Variants in CASC3 observed in about 807,000 individuals in gnomAD.
The protein encoded by CASC3 is CASC3 exon junction complex subunit, also known as protein CASC3.
A neutral mutation model predicts 80.5 loss-of-function variants in CASC3; 30 were observed. The ratio of observed to expected loss-of-function variants is 0.37; its 90% CI spans 0.28 to 0.51. The LOEUF (loss-of-function observed/expected upper bound fraction) is 0.51, where lower values mean the gene tolerates loss of function less well. CASC3 is among the 20% of genes least tolerant of loss of function. The probability of loss-of-function intolerance (pLI) is 0.94; values close to 1 mark genes in which losing one functional copy is unlikely to be tolerated. For synonymous variants in CASC3, 312 were observed against 333.6 expected, an observed-to-expected ratio of 0.94 and a Z score of 0.70; for missense variants, 824 against 922.2, an observed-to-expected ratio of 0.89 and a Z score of 1.38.
intron 11 of CASC3, 183 bp downstream of exon 11, chr17:40,168,600 C>A (rs76987545): frequency 1.7e-5 from 10 of 605,652 alleles, no homozygotes; most frequent in Non-Finnish European, 2.9e-6. Flanking sequence ...TGCCCATCAT[C>A]TTTATTCTTT....
chr17:40,165,941 A>T (rs1314327334), intron 7 of CASC3, among the ~76,000 whole-genome samples: 2 of 149,616 alleles, frequency 1.3e-5, no homozygotes, highest in Non-Finnish European at 3.0e-5. Flanking sequence ...GATTTTTTTT[A>T]TTTTTTGAAA....
Position 40,163,769 on chromosome 17 carries a change from T to A in CASC3, c.1074T>A (p.Ser358=). The A allele has an allele frequency of 6.2e-7, 1 of 1,614,154 alleles. No individual in the cohort carries two copies. The highest frequency in any genetic ancestry group is 1.3e-5 in the African/African-American group (1 of 75,046). The change falls in exon 7 of 14, where the codon TCT becomes TCA. Residue 358 remains serine, a synonymous_variant. Transcript: ENST00000264645. The stretch of plus-strand genomic sequence containing the variant: ...GGTCACGGCGCCTAGAGCAGACTTC[T>A]GTGAGGGATCCATCTCCAGAAGCAG... ...SYRSRRLEQT[S]VRDPSPEADA...
intron 13 of CASC3, 79 bp from the exon 14 acceptor site, chr17:40,170,368 C>G: frequency 1.1e-6 from 1 of 941,124 alleles, no homozygotes; most frequent in Non-Finnish European, 1.3e-6. Context: ...AGAAGTGTGG[C>G]TTTTTGAAAA....
At chr17:40,165,212 C>G (rs574028333) in intron 7 of CASC3, among the ~76,000 whole-genome samples, 1 of 151,224 alleles carries the variant, frequency 6.6e-6, no homozygotes, top group Admixed American at 6.6e-5. Context: ...CATGAGCCAC[C>G]GTGCCTGGCC....
chr17:40,140,592 A>G lies in CASC3; in HGVS notation c.44A>G (p.Asp15Gly). ...CAGCGCGCTTCGCAAGACACCGAGG[A>G]CGAGGAATCTGGTGCTTCGGGCTCC... The part of the protein sequence containing the change: ...RRQRASQDTE[D>G]EESGASGSDS... The change falls in exon 1 of 14, where the codon GAC (aspartate) becomes GGC (glycine). Residue 15 changes from aspartate to glycine, a missense_variant. By Grantham distance (94) the Asp-to-Gly change is moderately conservative (BLOSUM62 -1). This residue lies in a region of CASC3 where 159 missense variants were observed against 122.2 expected (regional missense o/e 1.30). Transcript: ENST00000264645. 1 of 1,610,608 alleles carries G rather than the reference A, an allele frequency of 6.2e-7. No individual in the cohort carries two copies. The highest frequency in any genetic ancestry group is 8.5e-7 in the Non-Finnish European group (1 of 1,179,572).
chr17:40,146,282 T>C (rs1318297474), intron 3 of CASC3, among the ~76,000 whole-genome samples: 1 of 152,050 alleles, frequency 6.6e-6, no homozygotes, highest in Non-Finnish European at 1.5e-5. Context: ...ATGGGGAATA[T>C]TTGCTGCAGT....
chr17:40,150,288 C>G (rs1007346540), intron 3 of CASC3, among the ~76,000 whole-genome samples: 4 of 152,068 alleles, frequency 2.6e-5, no homozygotes, highest in African/African-American at 4.8e-5. Context: ...GGGAGGATCC[C>G]TTGAGCCCAG....
rs1567686990 is a variant in CASC3 at position 40,172,102 on chromosome 17, T to C, written c.*1697T>C. On this transcript the variant is annotated 3_prime_UTR_variant, in exon 14 of 14. Transcript: ENST00000264645. ...CATGTGTGGTGGTGTTTTTTGTTAC[T>C]GTTTTAAAGGGTGCCCATTTGTGAT... The C allele has an allele frequency of 4.7e-6, 6 of 1,289,864 alleles. No homozygotes were observed. In the South Asian group the frequency reaches 6.2e-5, roughly 13 times the overall value. 79.9% of individuals were successfully genotyped at this position (1,289,864 alleles called of 1,614,324 possible). A position where few individuals can be genotyped will look rare whatever the true frequency, so the allele number is the denominator to read the frequency against.
At chr17:40,142,676 C>T (rs1028555270) in intron 3 of CASC3, among the ~76,000 whole-genome samples, 4 of 152,010 alleles carry the variant, frequency 2.6e-5, no homozygotes, top group Admixed American at 6.5e-5. Flanking sequence ...ATCACGAGGT[C>T]AGGAGATCGA....
chr17:40,170,619 C>T lies in CASC3; in HGVS notation c.*214C>T. 1.0e-6 allele frequency: 1 copy of T among 985,546 alleles called. No homozygotes were observed. The highest frequency in any genetic ancestry group is 1.2e-6 in the Non-Finnish European group (1 of 829,948). 61.1% of individuals were successfully genotyped at this position (985,546 alleles called of 1,614,324 possible). A position where few individuals can be genotyped will look rare whatever the true frequency, so the allele number is the denominator to read the frequency against. On this transcript the variant is annotated 3_prime_UTR_variant, in exon 14 of 14. Coordinates refer to ENST00000264645, the MANE Select transcript of CASC3 (RefSeq NM_007359.5). ...GAGAAACAAGTGGACCTCGTCCCAT[C>T]TTCACTCTTCACTTGAGTTGGCTGT...
At chr17:40,151,054 A>G (rs919886241) in intron 3 of CASC3, among the ~76,000 whole-genome samples, 2 of 152,056 alleles carry the variant, frequency 1.3e-5, no homozygotes, top group Admixed American at 6.6e-5. Context: ...TTGAGATACA[A>G]TTCACAGAAC....
intron 3 of CASC3, among the ~76,000 whole-genome samples, chr17:40,151,384 G>A (rs982730740): frequency 9.9e-5 from 15 of 152,016 alleles, no homozygotes; most frequent in Non-Finnish European, 1.8e-4. Context: ...CTAATTTTTA[G>A]TATTTTTAGT....
chr17:40,154,422 C>T (rs576717829), intron 3 of CASC3, among the ~76,000 whole-genome samples: 16 of 151,812 alleles, frequency 1.1e-4, no homozygotes, highest in Middle Eastern at 3.4e-3. Flanking sequence ...TTAGTAGAGA[C>T]GAGGTTTTGC....
intron 3 of CASC3, 78 bp downstream of exon 3, chr17:40,141,685 G>A: frequency 1.9e-6 from 2 of 1,037,312 alleles, no homozygotes; most frequent in Non-Finnish European, 3.0e-6. Context: ...CGTTGCAAAC[G>A]TACCATGACC....
intron 3 of CASC3, among the ~76,000 whole-genome samples, chr17:40,152,941 TA>T (rs1989048610): frequency 6.6e-6 from 1 of 151,796 alleles, no homozygotes; most frequent in South Asian, 2.1e-4. Flanking sequence ...CACGCCCGGC[TA>T]ATTTTTTTAT....
chr17:40,154,948 G>A (rs1431740650), intron 3 of CASC3, among the ~76,000 whole-genome samples: 1 of 152,124 alleles, frequency 6.6e-6, no homozygotes, highest in Non-Finnish European at 1.5e-5. Context: ...GGAGTGCAGT[G>A]GCGCTATCTA....
rs1300390548 is a variant in CASC3 at position 40,161,840 on chromosome 17, G to C, written c.385G>C (p.Glu129Gln). The C allele has an allele frequency of 6.2e-7, 1 of 1,614,074 alleles. No homozygotes were observed. The highest frequency in any genetic ancestry group is 8.5e-7 in the Non-Finnish European group (1 of 1,180,042). ...TGATGCTGTTAATTCTTCAACAAAAGAAGAGAAGGGAGAAGAAAAGCCTGA... is the reference window on the plus strand; with the variant it reads ...TGATGCTGTTAATTCTTCAACAAAACAAGAGAAGGGAGAAGAAAAGCCTGA... ...ANDAVNSSTK[E>Q]EKGEEKPDTK... The change falls in exon 4 of 14, where the codon GAA (glutamate) becomes CAA (glutamine). Residue 129 changes from glutamate (E) to glutamine (Q), a missense_variant. Transcript: ENST00000264645.
At chr17:40,168,485 G>A (rs917100186) in intron 11 of CASC3, 68 bp downstream of exon 11, 1 of 1,392,292 alleles carries the variant, frequency 7.2e-7, no homozygotes, top group African/African-American at 1.6e-5. Flanking sequence ...TGTGGTATGG[G>A]GAGAATGCTA....
chr17:40,167,468 T>C, intron 8 of CASC3, 30 bp from the exon 9 acceptor site: 1 of 1,531,904 alleles, frequency 6.5e-7, no homozygotes, highest in Non-Finnish European at 9.0e-7. Context: ...TCTAGAATTC[T>C]TATTGTTTAG....
Sources: gnomAD v4.1 joint callset for allele counts (sites outside exome capture counted in the v4.1 genomes callset) on GRCh38, gnomAD v4.1.1 for gene constraint, gnomAD v4.1.1 regional missense constraint, MANE v1.5 for transcripts, NCBI Gene and HGNC (gene_info 2026-07-23, HGNC 2026-07-21) for gene names.